Variants in EPHA3 observed in about 807,000 individuals in gnomAD.
The protein encoded by EPHA3 is EPH receptor A3, also known as ephrin type-A receptor 3.
Under a neutral mutation model 107.1 loss-of-function variants are expected in EPHA3, and 42 were observed. The observed-to-expected ratio is 0.39, with a 90% confidence interval of 0.31 to 0.51. The LOEUF (loss-of-function observed/expected upper bound fraction) is 0.51, where lower values mean the gene tolerates loss of function less well. Ranked by LOEUF, EPHA3 falls within the 20% of genes least tolerant of loss-of-function variation. The pLI is 0.78. For missense variants in EPHA3, 1,183 were observed against 1,211.2 expected (o/e 0.98, Z 0.35); for synonymous variants, 461 against 424.8 (o/e 1.09, Z -1.05).
chr3:89,156,748 G>A, intron 2 of EPHA3, among the ~76,000 whole-genome samples: 1 of 152,070 alleles, frequency 6.6e-6, no homozygotes, highest in South Asian at 2.1e-4. Flanking sequence ...GCTAAACAGA[G>A]CAGGAACATT....
chr3:89,281,175 C>T (rs528337148), intron 3 of EPHA3, among the ~76,000 whole-genome samples: 40 of 152,182 alleles, frequency 2.6e-4, no homozygotes, highest in African/African-American at 8.7e-4. Context: ...AGGCCCACGC[C>T]GCCACGCCCG....
chr3:89,206,729 C>A (rs188253867), intron 2 of EPHA3, among the ~76,000 whole-genome samples: 10 of 152,128 alleles, frequency 6.6e-5, no homozygotes, highest in Non-Finnish European at 1.3e-4. Flanking sequence ...CAATGTAAAA[C>A]CCTAAGAACT....
At chr3:89,152,840 A>T (rs940884125) in intron 2 of EPHA3, among the ~76,000 whole-genome samples, 29 of 152,234 alleles carry the variant, frequency 1.9e-4, no homozygotes, top group African/African-American at 6.5e-4. Flanking sequence ...GAAAAGATTC[A>T]TTACAAACTA....
rs1013577225 is a variant in EPHA3 at position 89,480,887 on chromosome 3, A to G, written c.*1385A>G. 1 of 232,092 alleles carries G rather than the reference A, an allele frequency of 4.3e-6. No homozygotes were observed. The highest frequency in any genetic ancestry group is 2.2e-5 in the African/African-American group (1 of 45,270). 14.4% of individuals were successfully genotyped at this position (232,092 alleles called of 1,614,324 possible). A position where few individuals can be genotyped will look rare whatever the true frequency, so the allele number is the denominator to read the frequency against. ...AATTTACTGGACATAACATTTTCAGAATAGTTGGTCATCTAGCAACCGCCT... is the reference window on the plus strand; with the variant it reads ...AATTTACTGGACATAACATTTTCAGGATAGTTGGTCATCTAGCAACCGCCT... On this transcript the variant is annotated 3_prime_UTR_variant, in exon 17 of 17. Coordinates refer to ENST00000336596, the MANE Select transcript of EPHA3 (RefSeq NM_005233.6).
At chr3:89,172,340 G>T (rs895768370) in intron 2 of EPHA3, among the ~76,000 whole-genome samples, 12 of 152,146 alleles carry the variant, frequency 7.9e-5, no homozygotes, top group African/African-American at 2.7e-4. Context: ...GCCATTGAGA[G>T]CTGGGAAGAG....
intron 10 of EPHA3, 90 bp from the exon 11 acceptor site, chr3:89,419,115 T>C (rs1709305262): frequency 6.8e-6 from 9 of 1,321,936 alleles, no homozygotes; most frequent in South Asian, 6.4e-5. Context: ...ATATTTTAAA[T>C]GGAAATTTTG....
chr3:89,375,348 T>C (rs550204062), intron 5 of EPHA3, among the ~76,000 whole-genome samples: 2 of 151,884 alleles, frequency 1.3e-5, no homozygotes, highest in South Asian at 4.1e-4. Flanking sequence ...TGAATATAGG[T>C]TGTTTATTTG....
At chr3:89,293,267 A>G (rs1183219504) in intron 3 of EPHA3, among the ~76,000 whole-genome samples, 12 of 152,200 alleles carry the variant, frequency 7.9e-5, no homozygotes, top group African/African-American at 2.4e-4. Context: ...ATTATAAATC[A>G]AATGATTTAT....
chr3:89,175,505 T>C (rs773892607), intron 2 of EPHA3, among the ~76,000 whole-genome samples: 5 of 152,124 alleles, frequency 3.3e-5, no homozygotes, highest in Non-Finnish European at 5.9e-5. Context: ...GATAAACATA[T>C]ATATTTTAGT....
At chr3:89,281,278 G>C (rs1047463503) in intron 3 of EPHA3, among the ~76,000 whole-genome samples, 33 of 152,210 alleles carry the variant, frequency 2.2e-4, no homozygotes, top group African/African-American at 7.7e-4. Flanking sequence ...ACCTGCCTTG[G>C]CCTCCTAAAG....
chr3:89,208,419 G>GA, intron 2 of EPHA3, among the ~76,000 whole-genome samples: 1 of 36,576 alleles, frequency 2.7e-5, no homozygotes, highest in Non-Finnish European at 4.9e-5. Context: ...AGGAAGGAAG[G>GA]AAGGAAGAAA....
intron 15 of EPHA3, 104 bp from the exon 16 acceptor site, chr3:89,472,360 C>A: frequency 8.1e-7 from 1 of 1,228,146 alleles, no homozygotes; most frequent in Non-Finnish European, 1.2e-6. Context: ...AAAGGAACAC[C>A]ATATGAAGTC....
rs1709189252 is a variant in EPHA3 at position 89,413,274 on chromosome 3, C to T, written c.1888+8C>T. 9 of 1,611,174 alleles carry T rather than the reference C, an allele frequency of 5.6e-6. No homozygotes were observed. The highest frequency in any genetic ancestry group is 7.6e-6 in the Non-Finnish European group (9 of 1,178,000). On this transcript the variant is annotated splice_region_variant and intron_variant, in intron 10 of 16. Transcript: ENST00000336596. ...ATAAAGTTGTTGGAGCAGGTAACCA[C>T]AATGACCCTACTGCCAACTTAGTAC...
intron 9 of EPHA3, among the ~76,000 whole-genome samples, chr3:89,412,848 A>G (rs562187669): frequency 6.6e-6 from 1 of 151,890 alleles, no homozygotes; most frequent in South Asian, 2.1e-4. Context: ...GTTCTGAATT[A>G]TCTTTCTTCT....
At chr3:89,421,355 AGAAG>A (rs981655160) in intron 11 of EPHA3, among the ~76,000 whole-genome samples, 1 of 151,292 alleles carries the variant, frequency 6.6e-6, no homozygotes, top group South Asian at 2.1e-4. Context: ...AAGAAAGAAA[AGAAG>A]GAAGGAAGGG....
chr3:89,458,043 A>G (rs1710135145), intron 15 of EPHA3, among the ~76,000 whole-genome samples: 1 of 151,732 alleles, frequency 6.6e-6, no homozygotes, highest in African/African-American at 2.4e-5. Flanking sequence ...CCATGCAGAT[A>G]AGCATTCTTG....
At chr3:89,254,773 T>C (rs1354651810) in intron 3 of EPHA3, among the ~76,000 whole-genome samples, 1 of 152,230 alleles carries the variant, frequency 6.6e-6, no homozygotes, top group Non-Finnish European at 1.5e-5. Context: ...TACCACTTTC[T>C]TGATGAATGT....
chr3:89,351,153 A>G (rs1362786624), intron 5 of EPHA3, among the ~76,000 whole-genome samples: 2 of 151,122 alleles, frequency 1.3e-5, no homozygotes, highest in African/African-American at 2.4e-5. Context: ...ACCCAGTTCG[A>G]GCTTCCCCGC....
At chr3:89,242,807 G>C (rs1262081519) in intron 3 of EPHA3, among the ~76,000 whole-genome samples, 13 of 151,816 alleles carry the variant, frequency 8.6e-5, no homozygotes, top group Admixed American at 8.5e-4. Context: ...ACAACGTGCA[G>C]GTTAGTTACA....
Sources: gnomAD v4.1 joint callset for allele counts (sites outside exome capture counted in the v4.1 genomes callset) on GRCh38, gnomAD v4.1.1 for gene constraint, MANE v1.5 for transcripts, NCBI Gene and HGNC (gene_info 2026-07-23, HGNC 2026-07-21) for gene names.